EXOC4: variants seen among roughly 807,000 people sequenced by gnomAD.
The protein encoded by EXOC4 is exocyst complex component 4.
Under a neutral mutation model 107.2 loss-of-function variants are expected in EXOC4, and 71 were observed. That is an observed-to-expected ratio of 0.66 (90% CI 0.55 to 0.81). The LOEUF is 0.81. Ranked by LOEUF, EXOC4 falls within the 30% of genes least tolerant of loss-of-function variation. The pLI, the probability that EXOC4 is intolerant of heterozygous loss-of-function variation, is 0.00. For missense variants in EXOC4, 1,108 were observed against 1,189.6 expected (o/e 0.93, Z 1.01); for synonymous variants, 456 against 441.2 (o/e 1.03, Z -0.42).
chr7:133,725,347 T>C (rs987177082), intron 10 of EXOC4, among the ~76,000 whole-genome samples: 1 of 152,182 alleles, frequency 6.6e-6, no homozygotes, highest in African/African-American at 2.4e-5. Context: ...GGCTAGCTAG[T>C]AACTATATTA....
chr7:133,515,300 G>A lies in EXOC4; in HGVS notation c.1417+35162G>A, dbSNP rs149373592. Among the ~76,000 whole-genome samples the A allele has an allele frequency of 2.9e-3, 443 of 151,514 alleles. 5 individuals are homozygous for A. Among genetic ancestry groups the A allele is most frequent in the Admixed American group, 4.5e-3 (69 of 15,220 alleles). On this transcript the variant is annotated intron_variant, in intron 9 of 17. Coordinates refer to ENST00000253861, the MANE Select transcript of EXOC4 (RefSeq NM_021807.4). ...AAAACCTGTATATCTTCCAACCATG[G>A]AGATTACTCCAATCAGTAGCCCAAG... is the stretch of plus-strand genomic sequence containing the variant.
intron 9 of EXOC4, among the ~76,000 whole-genome samples, chr7:133,489,085 C>T (rs1482999678): frequency 6.6e-6 from 1 of 150,664 alleles, no homozygotes; most frequent in Non-Finnish European, 1.5e-5. Context: ...GCAGGCAGAA[C>T]TGAATAGCCT....
chr7:133,408,536 A>AG (rs1374494485), intron 7 of EXOC4, among the ~76,000 whole-genome samples: 1 of 150,706 alleles, frequency 6.6e-6, no homozygotes, highest in African/African-American at 2.4e-5. Flanking sequence ...GGAGTTGAGG[A>AG]GGGGGCGGTG....
chr7:133,542,169 TTGTGTGTG>T (rs3046171), intron 9 of EXOC4, among the ~76,000 whole-genome samples: 8 of 147,054 alleles, frequency 5.4e-5, no homozygotes, highest in African/African-American at 1.8e-4. Context: ...AAATTTTATC[TTGTGTGTG>T]TGTGTGTGTG....
chr7:133,707,203 T>C (rs1420984350), intron 10 of EXOC4, among the ~76,000 whole-genome samples: 1 of 152,090 alleles, frequency 6.6e-6, no homozygotes, highest in Non-Finnish European at 1.5e-5. Context: ...AAGTATAGAA[T>C]TTAACATAGA....
intron 6 of EXOC4, among the ~76,000 whole-genome samples, chr7:133,364,926 T>G (rs563622172): frequency 6.6e-6 from 1 of 152,274 alleles, no homozygotes; most frequent in Admixed American, 6.5e-5. Context: ...CCATGTAAGT[T>G]TGCTTTCTGG....
chr7:133,640,065 A>T lies in EXOC4; in HGVS notation c.1514+9924A>T, dbSNP rs559372127. ...TTCAAATGTATAAATCTGTACACAT[A>T]TTTTTAAATATTTGTATATTTATAT... On this transcript the variant is annotated intron_variant, in intron 10 of 17. Transcript: ENST00000253861. Among the ~76,000 whole-genome samples the T allele has an allele frequency of 1.8e-3, 268 of 152,278 alleles. 1 individual carries two copies. The highest frequency in any genetic ancestry group is 6.0e-3 in the African/African-American group (250 of 41,566).
At chr7:133,873,835 T>C (rs940360208) in intron 11 of EXOC4, among the ~76,000 whole-genome samples, 1 of 152,226 alleles carries the variant, frequency 6.6e-6, no homozygotes, top group Non-Finnish European at 1.5e-5. Context: ...TTAGCAAAGC[T>C]TTGATATTCT....
At chr7:133,420,910 T>C (rs1797589688) in intron 7 of EXOC4, among the ~76,000 whole-genome samples, 1 of 151,048 alleles carries the variant, frequency 6.6e-6, no homozygotes, top group Non-Finnish European at 1.5e-5. Flanking sequence ...GTTTTTCACT[T>C]TTGTAGTGCT....
intron 9 of EXOC4, among the ~76,000 whole-genome samples, chr7:133,558,206 CTTTT>C (rs1800735650): frequency 7.4e-6 from 1 of 134,382 alleles, no homozygotes; most frequent in African/African-American, 3.3e-5. Context: ...CTTTTCTTTT[CTTTT>C]CTTTTCTTTT....
At chr7:133,916,327 A>G (rs1181407406) in intron 12 of EXOC4, among the ~76,000 whole-genome samples, 1 of 152,226 alleles carries the variant, frequency 6.6e-6, no homozygotes, top group African/African-American at 2.4e-5. Context: ...CTAACAGGCC[A>G]TGGACCAGGA....
intron 2 of EXOC4, among the ~76,000 whole-genome samples, chr7:133,281,146 G>A (rs906545354): frequency 6.6e-6 from 1 of 152,054 alleles, no homozygotes; most frequent in Non-Finnish European, 1.5e-5. Flanking sequence ...CAAGTTTGAA[G>A]GTAATTTAAA....
At chr7:133,676,927 C>G (rs1032544868) in intron 10 of EXOC4, among the ~76,000 whole-genome samples, 15 of 124,662 alleles carry the variant, frequency 1.2e-4, no homozygotes, top group Admixed American at 3.3e-4. Flanking sequence ...GTAGTAAACT[C>G]TGTGTGTGTG....
At chr7:133,311,335 A>G (rs1379031504) in intron 4 of EXOC4, among the ~76,000 whole-genome samples, 3 of 152,174 alleles carry the variant, frequency 2.0e-5, no homozygotes, top group Admixed American at 6.5e-5. Context: ...TTTAAAGAAA[A>G]CAGTGCAGAC....
At chr7:133,832,151 TTGCC>T (rs1422271541) in intron 11 of EXOC4, among the ~76,000 whole-genome samples, 1 of 152,238 alleles carries the variant, frequency 6.6e-6, no homozygotes, top group African/African-American at 2.4e-5. Flanking sequence ...ATAGTTTATT[TTGCC>T]TTTAGTCTTA....
intron 11 of EXOC4, among the ~76,000 whole-genome samples, chr7:133,846,052 C>A (rs192519023): frequency 0.024 from 3,615 of 151,792 alleles, 142 homozygotes; most frequent in African/African-American, 0.083. Flanking sequence ...TTTATACCCC[C>A]CAAAAAAAAG....
rs980577728 is a variant in EXOC4 at position 133,268,403 on chromosome 7, G to C, written c.87-6579G>C. 4.6e-5 allele frequency among the ~76,000 whole-genome samples: 7 copies of C among 152,164 alleles called. No homozygotes were observed. The South Asian group carries it at 1.5e-3, about 32-fold the overall frequency. On this transcript the variant is annotated intron_variant, in intron 1 of 17. Transcript: ENST00000253861. Reference sequence around the variant, plus strand: ...TTGCATCCTTTTATTCCACTTGAGTGATGAATCACTTTTGGTGACTGACCT... The same window carrying C: ...TTGCATCCTTTTATTCCACTTGAGTCATGAATCACTTTTGGTGACTGACCT...
At chr7:133,532,934 TTTC>T (rs1800207316) in intron 9 of EXOC4, among the ~76,000 whole-genome samples, 1 of 152,034 alleles carries the variant, frequency 6.6e-6, no homozygotes, top group African/African-American at 2.4e-5. Flanking sequence ...AATGTAGTTT[TTTC>T]TTTGAGATTT....
At chr7:133,824,252 TG>T (rs1797645233) in intron 11 of EXOC4, among the ~76,000 whole-genome samples, 1 of 151,926 alleles carries the variant, frequency 6.6e-6, no homozygotes, top group South Asian at 2.1e-4. Context: ...CTGCGTTGAC[TG>T]CTTTGATGTG....
Sources: gnomAD v4.1 joint callset for allele counts (sites outside exome capture counted in the v4.1 genomes callset) on GRCh38, gnomAD v4.1.1 for gene constraint, MANE v1.5 for transcripts, NCBI Gene and HGNC (gene_info 2026-07-23, HGNC 2026-07-21) for gene names.